Variants in SORCS2 observed in about 807,000 individuals in gnomAD.
SORCS2 encodes VPS10 domain-containing receptor SorCS2.
SORCS2 carries 100 observed loss-of-function variants against 141.6 expected under a neutral mutation model. That is an observed-to-expected ratio of 0.71 (90% CI 0.60 to 0.83). The LOEUF is 0.83. Among genes scored for constraint, SORCS2 ranks in the 40% least tolerant of loss-of-function variants. SORCS2 has a pLI of 0.00. For synonymous variants in SORCS2, 789 were observed against 676.9 expected (o/e 1.17, Z -2.57); for missense variants, 1,646 against 1,560.2 (o/e 1.05, Z -0.93).
At chr4:7,710,581 G>A (rs1156740887) in intron 14 of SORCS2, among the ~76,000 whole-genome samples, 1 of 152,212 alleles carries the variant, frequency 6.6e-6, no homozygotes, top group African/African-American at 2.4e-5. Flanking sequence ...TTTGGACAGC[G>A]ATGTTGAAGG....
intron 1 of SORCS2, among the ~76,000 whole-genome samples, chr4:7,358,417 G>A (rs1461383897): frequency 6.6e-6 from 1 of 152,218 alleles, no homozygotes; most frequent in Non-Finnish European, 1.5e-5. Context: ...TGAGAGGCTG[G>A]CATTCTTGTT....
intron 1 of SORCS2, among the ~76,000 whole-genome samples, chr4:7,204,690 G>A (rs367788008): frequency 6.6e-6 from 1 of 152,284 alleles, no homozygotes; most frequent in African/African-American, 2.4e-5. Flanking sequence ...GAAGGGACAC[G>A]GTGGCAAGGC....
intron 1 of SORCS2, among the ~76,000 whole-genome samples, chr4:7,304,791 C>T (rs1717671885): frequency 6.6e-6 from 1 of 152,198 alleles, no homozygotes; most frequent in South Asian, 2.1e-4. Flanking sequence ...GCAAAGGGCT[C>T]CAGCTGCAGA....
At chr4:7,698,118 A>T (rs1019441730) in intron 12 of SORCS2, among the ~76,000 whole-genome samples, 1 of 152,182 alleles carries the variant, frequency 6.6e-6, no homozygotes, top group African/African-American at 2.4e-5. Flanking sequence ...GCCTCACTGT[A>T]CACTGGCTGT....
intron 1 of SORCS2, among the ~76,000 whole-genome samples, chr4:7,267,789 G>A (rs959411000): frequency 9.9e-5 from 15 of 152,192 alleles, no homozygotes; most frequent in Non-Finnish European, 1.6e-4. Flanking sequence ...CCGAGATTGC[G>A]CCACTGCACT....
Position 7,316,420 on chromosome 4 carries a change from T to A in SORCS2, c.481-79868T>A, listed in dbSNP as rs1490503143. Among the ~76,000 whole-genome samples the A allele has an allele frequency of 2.0e-5, 3 of 152,234 alleles. No homozygotes were observed. In the East Asian group the frequency reaches 5.8e-4, roughly 29 times the overall value. On this transcript the variant is annotated intron_variant, in intron 1 of 26. Coordinates refer to ENST00000507866, the MANE Select transcript of SORCS2 (RefSeq NM_020777.3). ...GAACTTCCATTGACAATCTTCTATA[T>A]GCCAGTTTAGCCTCAGCCCAAGCAC...
intron 1 of SORCS2, among the ~76,000 whole-genome samples, chr4:7,261,063 T>G (rs554656027): frequency 6.6e-6 from 1 of 152,218 alleles, no homozygotes; most frequent in Non-Finnish European, 1.5e-5. Context: ...GAATTGAAGT[T>G]CTAACTTATG....
Position 7,724,889 on chromosome 4 carries a change from T to A in SORCS2, c.2612-265T>A, listed in dbSNP as rs200597739. 1.8e-3 allele frequency among the ~76,000 whole-genome samples: 69 copies of A among 38,880 alleles called. 8 individuals are homozygous for A. Among genetic ancestry groups the A allele is most frequent in the South Asian group, 5.5e-3 (6 of 1,084 alleles). 25.5% of individuals were successfully genotyped at this position (38,880 alleles called of 152,430 possible). A position where few individuals can be genotyped will look rare whatever the true frequency, so the allele number is the denominator to read the frequency against. On this transcript the variant is annotated intron_variant, in intron 19 of 26. Transcript: ENST00000507866. ...GGTGGTAGTGGTGATGGTGGTGGTG[T>A]TGGTGATGGTGGTGATAGTATTGGT...
chr4:7,627,395 C>T (rs1719582299), intron 3 of SORCS2, among the ~76,000 whole-genome samples: 1 of 152,172 alleles, frequency 6.6e-6, no homozygotes, highest in African/African-American at 2.4e-5. Context: ...GGTGATGCTG[C>T]CTGCCCAAGC....
chr4:7,619,919 C>T (rs1030854968), intron 3 of SORCS2, among the ~76,000 whole-genome samples: 11 of 152,176 alleles, frequency 7.2e-5, no homozygotes. Context: ...ACAGATTCGT[C>T]AGCCCCTGCC....
At position 7,208,543 on chromosome 4, in the gene SORCS2, C is replaced by T. The variant is rs564630460; in HGVS notation, c.480+15417C>T. ...TGATTCCCTTTGTACACCCCGGCAGCCGCAGGCAAGGGATGACCACGGCTG... is the reference window on the plus strand; with the variant it reads ...TGATTCCCTTTGTACACCCCGGCAGTCGCAGGCAAGGGATGACCACGGCTG... On this transcript the variant is annotated intron_variant, in intron 1 of 26. Coordinates refer to ENST00000507866, the MANE Select transcript of SORCS2 (RefSeq NM_020777.3). 3.3e-5 allele frequency among the ~76,000 whole-genome samples: 5 copies of T among 152,330 alleles called. No individual in the cohort carries two copies. The East Asian group carries it at 9.7e-4, about 29-fold the overall frequency.
At chr4:7,567,117 G>A (rs900062005) in intron 3 of SORCS2, among the ~76,000 whole-genome samples, 4 of 152,184 alleles carry the variant, frequency 2.6e-5, no homozygotes, top group Admixed American at 2.6e-4. Flanking sequence ...TTTTATAACT[G>A]TTTTAGGTTT....
chr4:7,602,401 GGGC>G (rs1396177548), intron 3 of SORCS2, among the ~76,000 whole-genome samples: 5 of 151,284 alleles, frequency 3.3e-5, no homozygotes, highest in Admixed American at 3.3e-4. Flanking sequence ...TTCTCAGACG[GGGC>G]GGCCGGGCAG....
At chr4:7,360,428 G>T (rs1297434503) in intron 1 of SORCS2, among the ~76,000 whole-genome samples, 1 of 151,910 alleles carries the variant, frequency 6.6e-6, no homozygotes, top group Non-Finnish European at 1.5e-5. Flanking sequence ...TCCCATGACC[G>T]GAGCTTAGGC....
At chr4:7,384,895 G>A (rs1467407194) in intron 1 of SORCS2, among the ~76,000 whole-genome samples, 1 of 152,260 alleles carries the variant, frequency 6.6e-6, no homozygotes, top group Non-Finnish European at 1.5e-5. Flanking sequence ...CATTCGAGGA[G>A]GAATCAGGCA....
At chr4:7,220,351 A>G (rs1292509255) in intron 1 of SORCS2, among the ~76,000 whole-genome samples, 1 of 152,112 alleles carries the variant, frequency 6.6e-6, no homozygotes, top group Non-Finnish European at 1.5e-5. Context: ...AGTGTGCAAC[A>G]TGGGGTCTAG....
chr4:7,557,611 C>T (rs1238247162), intron 3 of SORCS2, among the ~76,000 whole-genome samples: 1 of 152,194 alleles, frequency 6.6e-6, no homozygotes, highest in Non-Finnish European at 1.5e-5. Context: ...CTGATTCATC[C>T]AATGAGTTTT....
At chr4:7,248,658 T>C (rs1713288627) in intron 1 of SORCS2, among the ~76,000 whole-genome samples, 2 of 152,228 alleles carry the variant, frequency 1.3e-5, no homozygotes, top group African/African-American at 4.8e-5. Context: ...TTTTTTAAGG[T>C]CCTTGTTCTT....
intron 7 of SORCS2, among the ~76,000 whole-genome samples, chr4:7,666,356 C>T (rs530991517): frequency 6.6e-5 from 10 of 152,268 alleles, no homozygotes; most frequent in Admixed American, 2.0e-4. Context: ...TGGGGGCCAC[C>T]GACTCCATCC....
Sources: gnomAD v4.1 joint callset for allele counts (sites outside exome capture counted in the v4.1 genomes callset) on GRCh38, gnomAD v4.1.1 for gene constraint, MANE v1.5 for transcripts, NCBI Gene and HGNC (gene_info 2026-07-23, HGNC 2026-07-21) for gene names.